SPSB1: variants seen among roughly 807,000 people sequenced by gnomAD.
SPSB1 encodes splA/ryanodine receptor domain and SOCS box containing 1.
SPSB1 carries 8 observed loss-of-function variants against 21.2 expected under a neutral mutation model. That is an observed-to-expected ratio of 0.38 (90% CI 0.22 to 0.68). SPSB1 has a LOEUF of 0.68. SPSB1 is among the 30% of genes least tolerant of loss of function. The pLI is 0.53. For missense variants in SPSB1, 242 were observed against 377.8 expected, an observed-to-expected ratio of 0.64 and a Z score of 2.98; for synonymous variants, 169 against 161.7, an observed-to-expected ratio of 1.05 and a Z score of -0.34.
At chr1:9,310,364 T>C (rs200427907) in intron 1 of SPSB1, among the ~76,000 whole-genome samples, 2 of 152,196 alleles carry the variant, frequency 1.3e-5, no homozygotes, top group East Asian at 3.8e-4. Context: ...GGCGCCTTCC[T>C]GGATTTCTAA....
At chr1:9,325,954 G>A (rs1023419426) in intron 1 of SPSB1, among the ~76,000 whole-genome samples, 6 of 152,082 alleles carry the variant, frequency 3.9e-5, no homozygotes, top group African/African-American at 1.4e-4. Flanking sequence ...CAGAAGACCA[G>A]TGGGGCAGGC....
In SPSB1 at chr1:9,304,654, G is replaced by T. The variant is rs1053904018; in HGVS notation, c.-150+11583G>T. On this transcript the variant is annotated intron_variant, in intron 1 of 2. Transcript: ENST00000328089. ...GCCTCGGGTTCCCAGCTAGTTTGGG[G>T]GTCATCGTGAATAATGACCTACAGG... Among the ~76,000 whole-genome samples the T allele has an allele frequency of 2.0e-5, 3 of 152,176 alleles. No individual in the cohort carries two copies. The South Asian group carries it at 6.2e-4, about 32-fold the overall frequency.
intron 2 of SPSB1, among the ~76,000 whole-genome samples, chr1:9,359,871 C>A (rs1640441171): frequency 6.6e-6 from 1 of 150,460 alleles, no homozygotes; most frequent in African/African-American, 2.4e-5. Context: ...GCGGGGGCGG[C>A]CCGGTTCCGG....
chr1:9,347,621 G>A (rs772605700), intron 1 of SPSB1, among the ~76,000 whole-genome samples: 58 of 152,210 alleles, frequency 3.8e-4, no homozygotes, highest in Non-Finnish European at 4.0e-4. Context: ...TTACAAATGC[G>A]ACAGCATCGT....
chr1:9,314,109 G>A (rs1391675846), intron 1 of SPSB1, among the ~76,000 whole-genome samples: 1 of 151,402 alleles, frequency 6.6e-6, no homozygotes, highest in Non-Finnish European at 1.5e-5. Flanking sequence ...CAAGGAGGCA[G>A]AGGTTGCAGT....
intron 1 of SPSB1, among the ~76,000 whole-genome samples, chr1:9,325,802 CGTG>C (rs1440843867): frequency 2.0e-5 from 3 of 152,132 alleles, no homozygotes; most frequent in Non-Finnish European, 2.9e-5. Flanking sequence ...GCCTCAGTGA[CGTG>C]GTGACCTCAG....
At chr1:9,360,514 G>T (rs560591432) in intron 2 of SPSB1, among the ~76,000 whole-genome samples, 2 of 152,164 alleles carry the variant, frequency 1.3e-5, no homozygotes, top group African/African-American at 4.8e-5. Flanking sequence ...AGGTGTCTGC[G>T]ATCAGGATGG....
At chr1:9,304,522 C>G (rs530448117) in intron 1 of SPSB1, among the ~76,000 whole-genome samples, 2 of 152,322 alleles carry the variant, frequency 1.3e-5, no homozygotes, top group Admixed American at 6.5e-5. Context: ...GTTCATATCC[C>G]TGACCTGCCA....
intron 1 of SPSB1, among the ~76,000 whole-genome samples, chr1:9,302,562 G>C (rs1436655057): frequency 2.0e-5 from 3 of 152,156 alleles, no homozygotes; most frequent in Non-Finnish European, 2.9e-5. Context: ...TCCTGCGCTT[G>C]GATGTCAGAA....
At chr1:9,336,626 G>A (rs1222239266) in intron 1 of SPSB1, among the ~76,000 whole-genome samples, 1 of 152,328 alleles carries the variant, frequency 6.6e-6, no homozygotes, top group African/African-American at 2.4e-5. Context: ...TGGGGCAGAG[G>A]CAGGGGCAGG....
At chr1:9,326,060 C>A (rs1458334349) in intron 1 of SPSB1, among the ~76,000 whole-genome samples, 1 of 151,922 alleles carries the variant, frequency 6.6e-6, no homozygotes, top group African/African-American at 2.4e-5. Flanking sequence ...CCCACTCCAC[C>A]CCTGCATGTC....
intron 1 of SPSB1, among the ~76,000 whole-genome samples, chr1:9,297,955 T>G (rs1639252877): frequency 6.6e-6 from 1 of 152,186 alleles, no homozygotes; most frequent in African/African-American, 2.4e-5. Flanking sequence ...GATCCAGCCC[T>G]TACAGTGGGA....
intron 1 of SPSB1, among the ~76,000 whole-genome samples, chr1:9,349,060 G>C (rs58312138): frequency 2.1e-4 from 32 of 152,246 alleles, no homozygotes; most frequent in African/African-American, 7.0e-4. Context: ...CCAGGGCTTC[G>C]TGTCATCTGG....
At chr1:9,311,496 G>C (rs1279781373) in intron 1 of SPSB1, among the ~76,000 whole-genome samples, 1 of 152,170 alleles carries the variant, frequency 6.6e-6, no homozygotes, top group Non-Finnish European at 1.5e-5. Flanking sequence ...TCTTCACCAT[G>C]CATGGGACAT....
intron 1 of SPSB1, among the ~76,000 whole-genome samples, chr1:9,330,430 G>A (rs555036480): frequency 1.8e-4 from 28 of 151,968 alleles, no homozygotes; most frequent in Non-Finnish European, 3.2e-4. Context: ...GTGTCACTGC[G>A]CTCCAGCCTG....
intron 1 of SPSB1, among the ~76,000 whole-genome samples, chr1:9,325,896 G>C (rs1639809363): frequency 6.6e-6 from 1 of 152,150 alleles, no homozygotes; most frequent in South Asian, 2.1e-4. Context: ...GAGGACTTGG[G>C]AAGTACAGAG....
intron 1 of SPSB1, among the ~76,000 whole-genome samples, chr1:9,355,256 A>G (rs1306303060): frequency 6.6e-6 from 1 of 152,200 alleles, no homozygotes; most frequent in African/African-American, 2.4e-5. Flanking sequence ...TGCCAGAGAC[A>G]GGGAGGAGGA....
intron 1 of SPSB1, among the ~76,000 whole-genome samples, chr1:9,299,172 T>C (rs1232414746): frequency 6.6e-6 from 1 of 152,276 alleles, no homozygotes; most frequent in Non-Finnish European, 1.5e-5. Flanking sequence ...GCTGTTGATC[T>C]GACGAATGCC....
chr1:9,300,489 C>T (rs1417670464), intron 1 of SPSB1, among the ~76,000 whole-genome samples: 6 of 152,222 alleles, frequency 3.9e-5, no homozygotes, highest in East Asian at 1.9e-4. Flanking sequence ...GTAGATGAAT[C>T]GCAGTACAGG....
Sources: gnomAD v4.1 joint callset for allele counts (sites outside exome capture counted in the v4.1 genomes callset) on GRCh38, gnomAD v4.1.1 for gene constraint, MANE v1.5 for transcripts, NCBI Gene and HGNC (gene_info 2026-07-23, HGNC 2026-07-21) for gene names.